Variants in SLC7A14 observed in about 807,000 individuals in gnomAD.
The protein encoded by SLC7A14 is solute carrier family 7 member 14.
Under a neutral mutation model 60.2 loss-of-function variants are expected in SLC7A14, and 37 were observed. The observed-to-expected ratio is 0.61, with a 90% CI of 0.47 to 0.81. The LOEUF is 0.81. SLC7A14 is among the 30% of genes least tolerant of loss of function. The pLI is 0.00. For synonymous variants in SLC7A14, 399 were observed against 395.8 expected (o/e 1.01, Z -0.10); for missense variants, 886 against 982.7 (o/e 0.90, Z 1.32).
Position 170,585,834 on chromosome 3 carries a change from C to T in SLC7A14, c.-153+77G>A, listed in dbSNP as rs1715371141. 1 of 152,402 alleles carries T rather than the reference C, an allele frequency of 6.6e-6. No individual in the cohort carries two copies. The highest frequency in any genetic ancestry group is 2.4e-5 in the African/African-American group (1 of 41,468). The allele number at this position is 152,402 out of a possible 1,614,324, so 9.4% of individuals were successfully genotyped here. The stretch of plus-strand genomic sequence containing the variant: ...GGGTCATTCCGGGAGAGGCGGCCAT[C>T]CCAGTTGCAGGGGTCCCGCTGGGGC... On this transcript the variant is annotated intron_variant, in intron 1 of 7. Transcript: ENST00000231706. The surrounding 1 kb of genome is among the most constrained non-coding windows in gnomAD (Gnocchi z 5.1).
intron 1 of SLC7A14, among the ~76,000 whole-genome samples, chr3:170,547,751 C>G (rs1343785211): frequency 1.3e-5 from 2 of 152,068 alleles, no homozygotes; most frequent in Non-Finnish European, 2.9e-5. Context: ...TTTTTAAAAC[C>G]TAATGTATCA....
chr3:170,524,784 C>T (rs1713441924), intron 2 of SLC7A14, among the ~76,000 whole-genome samples: 2 of 152,230 alleles, frequency 1.3e-5, no homozygotes, highest in Admixed American at 1.3e-4. Flanking sequence ...GGAGAGAAAA[C>T]TCCTCAATTC....
At chr3:170,511,397 TA>T (rs988681483) in intron 2 of SLC7A14, among the ~76,000 whole-genome samples, 30 of 145,888 alleles carry the variant, frequency 2.1e-4, no homozygotes, top group African/African-American at 6.6e-4. Context: ...AACTCCGTCT[TA>T]AAAAAAAAAG....
chr3:170,573,556 T>A (rs1450531311), intron 1 of SLC7A14, among the ~76,000 whole-genome samples: 1 of 152,218 alleles, frequency 6.6e-6, no homozygotes, highest in African/African-American at 2.4e-5. Flanking sequence ...CTGACACAAG[T>A]AAGATAGGCT....
At chr3:170,513,459 T>C (rs1387351968) in intron 2 of SLC7A14, among the ~76,000 whole-genome samples, 1 of 152,196 alleles carries the variant, frequency 6.6e-6, no homozygotes, top group African/African-American at 2.4e-5. Flanking sequence ...AAGTGGGAAA[T>C]GTCTAAAGAG....
rs1052063965 is a variant in SLC7A14 at position 170,574,461 on chromosome 3, A to G, written c.-153+11450T>C. Among the ~76,000 whole-genome samples the G allele has an allele frequency of 2.6e-5, 4 of 152,170 alleles. No homozygotes were observed. In the South Asian group the frequency reaches 6.2e-4, roughly 24 times the overall value. On this transcript the variant is annotated intron_variant, in intron 1 of 7. Coordinates refer to ENST00000231706, the MANE Select transcript of SLC7A14 (RefSeq NM_020949.3). ...TTATGAATCTAATATCCTGCCACTTACAGTAAACTCTGGGTGAGCTTTGCC... is the reference window on the plus strand; with the variant it reads ...TTATGAATCTAATATCCTGCCACTTGCAGTAAACTCTGGGTGAGCTTTGCC...
chr3:170,514,732 G>A (rs932700642), intron 2 of SLC7A14, among the ~76,000 whole-genome samples: 1 of 152,162 alleles, frequency 6.6e-6, no homozygotes, highest in Non-Finnish European at 1.5e-5. Context: ...GCGGCGGACT[G>A]AGGAGCTTCA....
chr3:170,472,239 G>A (rs376976238), intron 7 of SLC7A14, among the ~76,000 whole-genome samples: 2 of 149,950 alleles, frequency 1.3e-5, no homozygotes, highest in Non-Finnish European at 3.0e-5. Context: ...GCACGGTGGC[G>A]GGCACTGGTA....
rs372287345 is a variant in SLC7A14 at position 170,460,108 on chromosome 3, C to T, written c.*6947G>A. 9.9e-5 allele frequency: 15 copies of T among 152,166 alleles called. No individual in the cohort carries two copies. The highest frequency in any genetic ancestry group is 3.4e-3 in the Middle Eastern group (1 of 294). 9.4% of individuals were successfully genotyped at this position (152,166 alleles called of 1,614,324 possible). On this transcript the variant is annotated 3_prime_UTR_variant, in exon 8 of 8. Transcript: ENST00000231706. ...CCAATGGGAATTAAAAACCACAAAA[C>T]GAACAAACTTTAACAAATACAGCAA... is the stretch of plus-strand genomic sequence containing the variant.
Position 170,498,904 on chromosome 3 carries a change from T to C in SLC7A14, c.542-20A>G. The C allele has an allele frequency of 6.2e-7, 1 of 1,612,580 alleles. No homozygotes were observed. Among genetic ancestry groups the C allele is most frequent in the Non-Finnish European group, 8.5e-7 (1 of 1,178,782 alleles). ...CTTTCCCTAGAGAGGAAAGACATGA[T>C]TTGACATTGTCTGGAGGGAAGAAAG... On this transcript the variant is annotated intron_variant, in intron 3 of 7. Transcript: ENST00000231706.
chr3:170,547,831 T>G (rs1194251974), intron 1 of SLC7A14, among the ~76,000 whole-genome samples: 1 of 152,248 alleles, frequency 6.6e-6, no homozygotes, highest in South Asian at 2.1e-4. Context: ...TTGTTCATTT[T>G]ATGTACAACG....
intron 1 of SLC7A14, among the ~76,000 whole-genome samples, chr3:170,558,804 T>G (rs759045330): frequency 6.6e-6 from 1 of 152,234 alleles, no homozygotes; most frequent in Non-Finnish European, 1.5e-5. Flanking sequence ...TGGACTCTTT[T>G]GCTGGCTATA....
chr3:170,511,744 TGGTA>T (rs1210670283), intron 2 of SLC7A14, among the ~76,000 whole-genome samples: 1 of 152,180 alleles, frequency 6.6e-6, no homozygotes, highest in Non-Finnish European at 1.5e-5. Flanking sequence ...GTCTCAGAGT[TGGTA>T]GGAAGGTTAG....
At chr3:170,523,718 G>A (rs576491768) in intron 2 of SLC7A14, among the ~76,000 whole-genome samples, 47 of 152,260 alleles carry the variant, frequency 3.1e-4, no homozygotes, top group African/African-American at 1.0e-3. Flanking sequence ...GAAAAGGACC[G>A]TGTATTTAAA....
intron 1 of SLC7A14, among the ~76,000 whole-genome samples, chr3:170,559,856 C>G (rs1714594214): frequency 1.3e-5 from 2 of 152,254 alleles, no homozygotes; most frequent in Non-Finnish European, 2.9e-5. Context: ...ACCAAACACT[C>G]TCTGTCCACT....
chr3:170,472,917 T>G (rs1739960651), intron 7 of SLC7A14, among the ~76,000 whole-genome samples: 1 of 152,202 alleles, frequency 6.6e-6, no homozygotes, highest in African/African-American at 2.4e-5. Context: ...CTTTAGCAAT[T>G]GAATGGGCTT....
chr3:170,564,480 A>G (rs1043051580), intron 1 of SLC7A14, among the ~76,000 whole-genome samples: 2 of 152,224 alleles, frequency 1.3e-5, no homozygotes, highest in Non-Finnish European at 2.9e-5. Context: ...AGTTAGAGGC[A>G]ATAGTCCCAG....
intron 7 of SLC7A14, among the ~76,000 whole-genome samples, chr3:170,472,899 A>C (rs1369880715): frequency 6.6e-6 from 1 of 152,246 alleles, no homozygotes; most frequent in African/African-American, 2.4e-5. Context: ...CAAGATCAAG[A>C]ATCATGCCTT....
In SLC7A14 at chr3:170,569,808, G is replaced by A. The variant is rs971649106; in HGVS notation, c.-153+16103C>T. Among the ~76,000 whole-genome samples the A allele has an allele frequency of 1.5e-4, 23 of 152,116 alleles. 1 individual carries two copies. The highest frequency in any genetic ancestry group is 5.1e-4 in the African/African-American group (21 of 41,436). ...CTAGTTTATTTGTGTAGAGGTGTTT[G>A]TAGTATTCTCTGATGGTAGTTTGTA... On this transcript the variant is annotated intron_variant, in intron 1 of 7. Coordinates refer to ENST00000231706, the MANE Select transcript of SLC7A14 (RefSeq NM_020949.3).
Sources: allele counts gnomAD v4.1 joint callset (sites outside exome capture counted in the v4.1 genomes callset), GRCh38; gene constraint gnomAD v4.1.1; non-coding constraint Gnocchi (gnomAD v3.1); transcripts MANE v1.5; gene names NCBI Gene and HGNC (gene_info 2026-07-23, HGNC 2026-07-21).